The following COLQ variants were observed in gnomAD, a reference collection of about 807,000 sequenced individuals.
COLQ encodes acetylcholinesterase collagenic tail peptide.
COLQ carries 48 observed loss-of-function variants against 69.0 expected under a neutral mutation model. The ratio of observed to expected loss-of-function variants is 0.70; its 90% CI spans 0.55 to 0.88. The LOEUF is 0.88. Among genes scored for constraint, COLQ ranks in the 40% least tolerant of loss-of-function variants. The pLI is 0.00. For missense variants in COLQ, 618 were observed against 594.6 expected (o/e 1.04, Z -0.41); for synonymous variants, 217 against 211.2 (o/e 1.03, Z -0.24).
chr3:15,502,534 G>A (rs2062845683), intron 1 of COLQ, among the ~76,000 whole-genome samples: 1 of 152,116 alleles, frequency 6.6e-6, no homozygotes, highest in African/African-American at 2.4e-5. Flanking sequence ...TAGTGCCTCA[G>A]CCTCTGGAGT....
At chr3:15,483,291 T>C (rs1477643451) in intron 3 of COLQ, among the ~76,000 whole-genome samples, 1 of 152,222 alleles carries the variant, frequency 6.6e-6, no homozygotes, top group Non-Finnish European at 1.5e-5. Flanking sequence ...TCTAGTTCTT[T>C]TAATTGTGAT....
At chr3:15,465,399 TGG>T (rs2062183724) in intron 12 of COLQ, among the ~76,000 whole-genome samples, 1 of 148,224 alleles carries the variant, frequency 6.7e-6, no homozygotes, top group Non-Finnish European at 1.5e-5. Context: ...CCCAAGTAGC[TGG>T]GACTATAGGC....
At chr3:15,463,568 G>A (rs553403620) in intron 12 of COLQ, among the ~76,000 whole-genome samples, 6 of 151,824 alleles carry the variant, frequency 4.0e-5, no homozygotes, top group South Asian at 2.1e-4. Context: ...GGATGGTCTC[G>A]ATCTCCTGAC....
At chr3:15,460,331 C>T (rs1575464894) in intron 12 of COLQ, among the ~76,000 whole-genome samples, 1 of 152,090 alleles carries the variant, frequency 6.6e-6, no homozygotes, top group East Asian at 1.9e-4. Context: ...TTCTGGCTGG[C>T]AGAAAAGCAC....
chr3:15,496,420 G>A (rs2062746762), intron 1 of COLQ: 1 of 156,026 alleles, frequency 6.4e-6, no homozygotes, highest in African/African-American at 2.4e-5. Flanking sequence ...AACTAAGCCA[G>A]GACTTCACAT....
intron 1 of COLQ, among the ~76,000 whole-genome samples, chr3:15,498,252 G>A (rs2062776820): frequency 6.6e-6 from 1 of 152,134 alleles, no homozygotes; most frequent in Non-Finnish European, 1.5e-5. Context: ...GCACACACCC[G>A]TTAGCATGTA....
chr3:15,480,290 T>A (rs933668835), intron 3 of COLQ, among the ~76,000 whole-genome samples: 1 of 152,168 alleles, frequency 6.6e-6, no homozygotes, highest in African/African-American at 2.4e-5. Context: ...CACTAACTTG[T>A]CATTCACATT....
chr3:15,477,367 C>T (rs1247564629), intron 5 of COLQ, 170 bp from the exon 6 acceptor site: 4 of 637,438 alleles, frequency 6.3e-6, no homozygotes, highest in Non-Finnish European at 8.5e-6. Context: ...CTTGGTGTCA[C>T]ACTGTATCAT....
At chr3:15,457,865 C>T (rs1049529669) in intron 13 of COLQ, among the ~76,000 whole-genome samples, 1 of 152,188 alleles carries the variant, frequency 6.6e-6, no homozygotes, top group Non-Finnish European at 1.5e-5. Context: ...AATCCACCCA[C>T]CTTGGCCTCC....
rs200478601 is a variant in COLQ, at chr3:15,470,513, G to A, written c.717+23C>T. On this transcript the variant is annotated intron_variant, in intron 11 of 16. Transcript: ENST00000383788. Reference sequence around the variant, plus strand: ...GTCAGGAAGTTCTGACCTCAGGCGGGTGGTAAGCCCTGGGATCCTTACCTG... The same window carrying A: ...GTCAGGAAGTTCTGACCTCAGGCGGATGGTAAGCCCTGGGATCCTTACCTG... 911 of 1,608,368 alleles carry A rather than the reference G, an allele frequency of 5.7e-4. 1 individual carries two copies. The highest frequency in any genetic ancestry group is 7.5e-4 in the Non-Finnish European group (878 of 1,175,994).
At chr3:15,504,910 G>A (rs2062885809) in intron 1 of COLQ, among the ~76,000 whole-genome samples, 1 of 152,148 alleles carries the variant, frequency 6.6e-6, no homozygotes, top group Non-Finnish European at 1.5e-5. Context: ...ACATTCTAAG[G>A]TACTGGGTAT....
chr3:15,516,655 C>G (rs1258241980), intron 1 of COLQ, among the ~76,000 whole-genome samples: 1 of 152,204 alleles, frequency 6.6e-6, no homozygotes, highest in Non-Finnish European at 1.5e-5. Flanking sequence ...TCCCCACCCC[C>G]AAACACCCTG....
At chr3:15,462,151 C>T (rs1409491747) in intron 12 of COLQ, among the ~76,000 whole-genome samples, 1 of 152,122 alleles carries the variant, frequency 6.6e-6, no homozygotes, top group Non-Finnish European at 1.5e-5. Context: ...GTCTCAGCCT[C>T]CTGAGTAGCT....
intron 1 of COLQ, among the ~76,000 whole-genome samples, chr3:15,492,195 T>C (rs79702831): frequency 0.01 from 1,547 of 152,244 alleles, 33 homozygotes; most frequent in African/African-American, 0.035. Flanking sequence ...ATGCAACAGC[T>C]CAAATAAAGA....
At chr3:15,505,732 C>T (rs2062901412) in intron 1 of COLQ, among the ~76,000 whole-genome samples, 1 of 152,162 alleles carries the variant, frequency 6.6e-6, no homozygotes, top group South Asian at 2.1e-4. Context: ...GGCCATAGGT[C>T]AGAGACAAAA....
intron 1 of COLQ, among the ~76,000 whole-genome samples, chr3:15,518,737 G>A (rs945932050): frequency 3.9e-5 from 6 of 151,988 alleles, no homozygotes; most frequent in South Asian, 2.1e-4. Context: ...ACCCCTTTCC[G>A]GGGCATTTAC....
At chr3:15,464,793 T>C (rs1025119293) in intron 12 of COLQ, among the ~76,000 whole-genome samples, 8 of 152,204 alleles carry the variant, frequency 5.3e-5, no homozygotes, top group Non-Finnish European at 1.0e-4. Context: ...ATACTGTCTT[T>C]ATACAGTTGA....
At chr3:15,452,463 CT>C (rs1455451234) in intron 16 of COLQ, among the ~76,000 whole-genome samples, 1 of 152,216 alleles carries the variant, frequency 6.6e-6, no homozygotes, top group Non-Finnish European at 1.5e-5. Flanking sequence ...GTTTATACCT[CT>C]GTAGGCCCGG....
At chr3:15,500,464 C>T (rs1438928284) in intron 1 of COLQ, among the ~76,000 whole-genome samples, 1 of 152,164 alleles carries the variant, frequency 6.6e-6, no homozygotes, top group African/African-American at 2.4e-5. Context: ...TTTTTAACCA[C>T]ATGGCATCAA....
Sources: allele counts gnomAD v4.1 joint callset (sites outside exome capture counted in the v4.1 genomes callset), GRCh38; gene constraint gnomAD v4.1.1; transcripts MANE v1.5; gene names NCBI Gene and HGNC (gene_info 2026-07-23, HGNC 2026-07-21).